Variants in GRIN2A observed in about 807,000 individuals in gnomAD.
GRIN2A encodes glutamate receptor ionotropic, NMDA 2A.
In GRIN2A, 22 loss-of-function variants were observed where a neutral mutation model predicts 113.4. That is an observed-to-expected ratio of 0.19 (90% CI 0.14 to 0.28). The LOEUF (loss-of-function observed/expected upper bound fraction) is 0.28. GRIN2A is among the 10% of genes least tolerant of loss of function. GRIN2A has a pLI of 1.00. For missense variants in GRIN2A, 1,502 were observed against 1,887.0 expected (o/e 0.80, Z 3.78); for synonymous variants, 827 against 738.4 (o/e 1.12, Z -1.94).
chr16:10,098,587 T>C (rs1236058540), intron 2 of GRIN2A, among the ~76,000 whole-genome samples: 3 of 152,138 alleles, frequency 2.0e-5, no homozygotes, highest in African/African-American at 4.8e-5. Context: ...GCTAAACAAA[T>C]TGTGGTATGT....
chr16:10,146,156 C>T (rs916432258), intron 2 of GRIN2A, among the ~76,000 whole-genome samples: 2 of 152,072 alleles, frequency 1.3e-5, no homozygotes, highest in East Asian at 1.9e-4. Context: ...CTCGCTCTGT[C>T]GCCCAGACTG....
At chr16:9,928,862 C>T (rs11074502) in intron 3 of GRIN2A, among the ~76,000 whole-genome samples, 106,975 of 152,166 alleles carry the variant, frequency 0.7, 39,040 homozygotes, top group African/African-American at 0.82. Context: ...ATAAAACTGC[C>T]GGTAGGATTA....
chr16:9,784,148 G>A (rs1480869623), intron 11 of GRIN2A, among the ~76,000 whole-genome samples: 1 of 152,116 alleles, frequency 6.6e-6, no homozygotes, highest in Non-Finnish European at 1.5e-5. Context: ...AGAATTATAT[G>A]GCTGGGTGTG....
chr16:9,869,903 T>A lies in GRIN2A; in HGVS notation c.1123-19942A>T, dbSNP rs565523979. Among the ~76,000 whole-genome samples the A allele has an allele frequency of 2.0e-5, 3 of 152,322 alleles. No homozygotes were observed. In the East Asian group the frequency reaches 5.8e-4, roughly 29 times the overall value. The stretch of plus-strand genomic sequence containing the variant: ...TTCCTTCCCACCTGCAATGTGCATG[T>A]TCTTGTAAGCTGAATGGAGGACACT... On this transcript the variant is annotated intron_variant, in intron 4 of 12. Transcript: ENST00000330684.
intron 3 of GRIN2A, among the ~76,000 whole-genome samples, chr16:9,896,010 G>A (rs1219216155): frequency 6.6e-6 from 1 of 151,992 alleles, no homozygotes; most frequent in African/African-American, 2.4e-5. Context: ...CCTGGGGAGA[G>A]CCATTCACAA....
At chr16:9,844,739 T>G (rs2042742225) in intron 5 of GRIN2A, among the ~76,000 whole-genome samples, 2 of 152,148 alleles carry the variant, frequency 1.3e-5, no homozygotes, top group Admixed American at 1.3e-4. Flanking sequence ...ATCCAGCACT[T>G]AAAAATAAAT....
chr16:9,871,745 G>C (rs1363842065), intron 4 of GRIN2A, among the ~76,000 whole-genome samples: 4 of 152,124 alleles, frequency 2.6e-5, no homozygotes, highest in East Asian at 3.9e-4. Flanking sequence ...GGTTGGCTCA[G>C]GACCTGTGAT....
At chr16:10,155,393 A>T (rs567655642) in intron 2 of GRIN2A, among the ~76,000 whole-genome samples, 1 of 152,132 alleles carries the variant, frequency 6.6e-6, no homozygotes, top group African/African-American at 2.4e-5. Flanking sequence ...GACCCATGGG[A>T]CTGGTACTCA....
chr16:10,028,261 ACAGT>A (rs1421635697), intron 2 of GRIN2A, among the ~76,000 whole-genome samples: 1 of 152,188 alleles, frequency 6.6e-6, no homozygotes, highest in Non-Finnish European at 1.5e-5. Flanking sequence ...CCCAAGTTTC[ACAGT>A]CAGTAAGTGG....
intron 4 of GRIN2A, among the ~76,000 whole-genome samples, chr16:9,878,998 G>A (rs1170302752): frequency 6.6e-6 from 1 of 152,128 alleles, no homozygotes; most frequent in Non-Finnish European, 1.5e-5. Context: ...ATTGTACTGT[G>A]TGAGTATTTA....
chr16:10,044,209 T>G lies in GRIN2A; in HGVS notation c.415-105658A>C, dbSNP rs1371771865. On this transcript the variant is annotated intron_variant, in intron 2 of 12. Transcript: ENST00000330684. ...CCACCATGCCCAGCTAATTTTTGTA[T>G]TTTTAGTAAATATGGGGTTTCACAA... Among the ~76,000 whole-genome samples the G allele has an allele frequency of 2.6e-5, 4 of 151,810 alleles. No individual in the cohort carries two copies. In the East Asian group the frequency reaches 7.8e-4, roughly 30 times the overall value.
At position 9,764,027 on chromosome 16, in the gene GRIN2A, G is replaced by C. The variant is rs2141131454; in HGVS notation, c.3517C>G (p.His1173Asp). The C allele has an allele frequency of 1.2e-6, 2 of 1,614,076 alleles. No homozygotes were observed. Among genetic ancestry groups the C allele is most frequent in the East Asian group, 4.5e-5 (2 of 44,850 alleles). ...TTGTTGGAAAGCCCCTCTTCATTAT[G>C]CAAGGGGTTCCGGTTCATTGGCAGC... ...STLPMNRNPLHNEEGLSNNDQ... is the reference protein window; with the variant it reads ...STLPMNRNPLDNEEGLSNNDQ... Residue 1173 changes from histidine (H) to aspartate (D), a missense_variant, in exon 13 of 13, where the codon CAT becomes GAT. Physicochemically the swap from His to Asp is moderately conservative, Grantham distance 81 (BLOSUM62 -1). Around this residue, in one of 7 missense-constraint regions of GRIN2A, gnomAD observed 832 missense variants for 789.7 expected, o/e 1.05. Coordinates refer to ENST00000330684, the MANE Select transcript of GRIN2A (RefSeq NM_001134407.3).
intron 2 of GRIN2A, among the ~76,000 whole-genome samples, chr16:10,015,990 C>A (rs186192761): frequency 1.3e-5 from 2 of 152,118 alleles, no homozygotes; most frequent in East Asian, 1.9e-4. Flanking sequence ...ATGGCAAGTG[C>A]CTGTAATCTC....
rs563210690 is a variant in GRIN2A at position 9,789,960 on chromosome 16, G to A, written c.2356+8317C>T. 3.9e-5 allele frequency among the ~76,000 whole-genome samples: 6 copies of A among 152,342 alleles called. No individual in the cohort carries two copies. The South Asian group carries it at 1.0e-3, about 26-fold the overall frequency. On this transcript the variant is annotated intron_variant, in intron 11 of 12. Coordinates refer to ENST00000330684, the MANE Select transcript of GRIN2A (RefSeq NM_001134407.3). ...TCAAAGAAAGACATAAACCAGTGGTGTGTGCCTGGGAACACTATGGATATG... is the reference window on the plus strand; with the variant it reads ...TCAAAGAAAGACATAAACCAGTGGTATGTGCCTGGGAACACTATGGATATG...
chr16:10,015,185 G>C (rs1172400795), intron 2 of GRIN2A, among the ~76,000 whole-genome samples: 2 of 143,604 alleles, frequency 1.4e-5, no homozygotes. Flanking sequence ...ACCGGGAGGC[G>C]GAGGTCGCAG....
At chr16:10,030,074 A>G (rs2046900453) in intron 2 of GRIN2A, among the ~76,000 whole-genome samples, 1 of 152,186 alleles carries the variant, frequency 6.6e-6, no homozygotes, top group Non-Finnish European at 1.5e-5. Context: ...TTCAAAGTTT[A>G]TCACTGATTG....
chr16:10,156,608 C>G (rs7195140), intron 2 of GRIN2A, among the ~76,000 whole-genome samples: 1 of 152,150 alleles, frequency 6.6e-6, no homozygotes, highest in Non-Finnish European at 1.5e-5. Flanking sequence ...GCCATTCTGT[C>G]TGTCTTCTGG....
intron 2 of GRIN2A, among the ~76,000 whole-genome samples, chr16:9,980,416 G>A (rs1417781332): frequency 6.6e-6 from 1 of 152,134 alleles, no homozygotes; most frequent in East Asian, 1.9e-4. Flanking sequence ...AACCATTGTG[G>A]AAGTCGGTGT....
chr16:10,008,652 G>A (rs143490730), intron 2 of GRIN2A, among the ~76,000 whole-genome samples: 21 of 152,316 alleles, frequency 1.4e-4, no homozygotes, highest in Non-Finnish European at 2.6e-4. Context: ...TTTAGGCAGA[G>A]ATCTGTGCAA....
Sources: allele counts gnomAD v4.1 joint callset (sites outside exome capture counted in the v4.1 genomes callset), GRCh38; gene constraint gnomAD v4.1.1; regional missense constraint gnomAD v4.1.1; transcripts MANE v1.5; gene names NCBI Gene and HGNC (gene_info 2026-07-23, HGNC 2026-07-21).